FKBP5: variants seen among roughly 807,000 people sequenced by gnomAD.
FKBP5 encodes peptidyl-prolyl cis-trans isomerase FKBP5.
A neutral mutation model predicts 50.5 loss-of-function variants in FKBP5; 23 were observed. The observed-to-expected ratio is 0.46, with a 90% CI of 0.33 to 0.65. The LOEUF (loss-of-function observed/expected upper bound fraction) is 0.65. Ranked by LOEUF, FKBP5 falls within the 30% of genes least tolerant of loss-of-function variation. FKBP5 has a pLI of 0.02. For synonymous variants in FKBP5, 176 were observed against 190.6 expected, an observed-to-expected ratio of 0.92 and a Z score of 0.63; for missense variants, 411 against 553.1, an observed-to-expected ratio of 0.74 and a Z score of 2.58.
intron 1 of FKBP5, among the ~76,000 whole-genome samples, chr6:35,685,181 T>C (rs938519275): frequency 2.6e-5 from 4 of 152,218 alleles, no homozygotes; most frequent in Non-Finnish European, 4.4e-5. Context: ...ATTGTTAAAA[T>C]ATCCTTATTA....
At chr6:35,689,550 C>T (rs1325610023), upstream of FKBP5, among the ~76,000 whole-genome samples, 2 of 152,050 alleles carry the variant, frequency 1.3e-5, no homozygotes, top group African/African-American at 4.8e-5. Context: ...AGAGGCCTTA[C>T]GGCTGAGTTC....
chr6:35,589,092 T>TTATATATATATATATTTTTATA (rs1455707177), intron 7 of FKBP5, among the ~76,000 whole-genome samples: 2 of 135,986 alleles, frequency 1.5e-5, no homozygotes, highest in African/African-American at 5.8e-5. Flanking sequence ...ATATATATTT[T>TTATATATATATATATTTTTATA]TATATATATA....
At chr6:35,685,104 T>C (rs1000353055) in intron 1 of FKBP5, among the ~76,000 whole-genome samples, 4 of 151,924 alleles carry the variant, frequency 2.6e-5, no homozygotes, top group Non-Finnish European at 5.9e-5. Flanking sequence ...AAGCATAAAA[T>C]GTAGGTTCTC....
At chr6:35,662,650 A>AGT (rs1022939213) in intron 1 of FKBP5, among the ~76,000 whole-genome samples, 4 of 152,254 alleles carry the variant, frequency 2.6e-5, no homozygotes, top group African/African-American at 9.6e-5. Context: ...GCCACTAGTA[A>AGT]GTATATATAA....
chr6:35,670,996 T>C (rs1561887155), intron 1 of FKBP5, among the ~76,000 whole-genome samples: 1 of 152,032 alleles, frequency 6.6e-6, no homozygotes, highest in Non-Finnish European at 1.5e-5. Context: ...CAGTGGCTCA[T>C]GCCTGTAATC....
chr6:35,600,215 G>C (rs1370874116), intron 5 of FKBP5, among the ~76,000 whole-genome samples: 1 of 152,118 alleles, frequency 6.6e-6, no homozygotes, highest in Non-Finnish European at 1.5e-5. Flanking sequence ...GACTGTACAT[G>C]CATACTAGAG....
At chr6:35,699,234 G>C (rs912958774) in intron 2 of FKBP5, among the ~76,000 whole-genome samples, 3 of 152,140 alleles carry the variant, frequency 2.0e-5, no homozygotes, top group Admixed American at 6.5e-5. Flanking sequence ...TTCTCACAGC[G>C]TGTTGGTCTC....
intron 1 of FKBP5, among the ~76,000 whole-genome samples, chr6:35,681,203 CTT>C (rs1278726445): frequency 6.6e-6 from 1 of 152,076 alleles, no homozygotes; most frequent in Non-Finnish European, 1.5e-5. Flanking sequence ...ACTATAAAAT[CTT>C]AAGTTTGAAT....
rs960356976 is a variant in FKBP5 at position 35,639,787 on chromosome 6, A to C, written c.106-2629T>G. 1.7e-3 allele frequency among the ~76,000 whole-genome samples: 256 copies of C among 152,254 alleles called. 4 individuals carry two copies. The highest frequency in any genetic ancestry group is 3.2e-3 in the Admixed American group (49 of 15,284). On this transcript the variant is annotated intron_variant, in intron 2 of 10. Transcript: ENST00000357266. ...AGGCACAGAAGGCTTTCACATAAGC[A>C]AAGTTATACAAAACAAAAATTCTTA... is the stretch of plus-strand genomic sequence containing the variant.
intron 2 of FKBP5, among the ~76,000 whole-genome samples, chr6:35,701,267 G>A (rs1766181715): frequency 1.4e-5 from 2 of 144,728 alleles, no homozygotes; most frequent in African/African-American, 2.6e-5. Flanking sequence ...TTTTTGAGAC[G>A]GAGTCTCGCT....
chr6:35,728,168 T>A (rs1249368221), intron 1 of FKBP5, among the ~76,000 whole-genome samples: 1 of 152,218 alleles, frequency 6.6e-6, no homozygotes, highest in Non-Finnish European at 1.5e-5. Flanking sequence ...GAGAACAGCC[T>A]GACTCAGCAG....
rs199713807 is a variant in FKBP5 at position 35,587,031 on chromosome 6, C to A, written c.840+3G>T. On this transcript the variant is annotated splice_donor_region_variant and intron_variant, in intron 8 of 10. Coordinates refer to ENST00000357266, the MANE Select transcript of FKBP5 (RefSeq NM_004117.4). The stretch of plus-strand genomic sequence containing the variant: ...GGAAAGGATTGCATAGGGACTCACA[C>A]ACCTTGAAGTATACGGTTCCCTTCT... The A allele has an allele frequency of 1.2e-6, 2 of 1,613,936 alleles. No homozygotes were observed. The highest frequency in any genetic ancestry group is 1.7e-6 in the Non-Finnish European group (2 of 1,179,812).
intron 3 of FKBP5, among the ~76,000 whole-genome samples, chr6:35,631,412 G>A (rs2150983892): frequency 6.6e-6 from 1 of 152,276 alleles, no homozygotes; most frequent in South Asian, 2.1e-4. Flanking sequence ...ACTGCCTGGG[G>A]CTCAGGGTCC....
chr6:35,581,276 TATATATA>T, intron 8 of FKBP5: 1 of 418,580 alleles, frequency 2.4e-6, no homozygotes, highest in Non-Finnish European at 3.2e-6. Context: ...ACATATATAA[TATATATA>T]TAATATATAT....
chr6:35,577,098 T>C lies in FKBP5; in HGVS notation c.1162A>G (p.Arg388Gly). 6 of 1,614,216 alleles carry C rather than the reference T, an allele frequency of 3.7e-6. No homozygotes were observed. The highest frequency in any genetic ancestry group is 5.1e-6 in the Non-Finnish European group (6 of 1,180,024). Residue 388 changes from arginine to glycine, a missense_variant, in exon 10 of 11, where the codon AGA (arginine) becomes GGA (glycine). Coordinates refer to ENST00000357266, the MANE Select transcript of FKBP5 (RefSeq NM_004117.4). ...LEVNPQNKAA[R>G]LQISMCQKKA... ...TTCTGGCACATGGAGATCTGCAGTC[T>C]TGCAGCCTTATTCTGGGGGTTTACT...
intron 7 of FKBP5, among the ~76,000 whole-genome samples, chr6:35,587,904 A>G (rs990991232): frequency 9.9e-5 from 15 of 152,148 alleles, no homozygotes; most frequent in African/African-American, 3.6e-4. Context: ...GGTCAGTGCT[A>G]TTTACTGCAT....
At chr6:35,713,617 C>A (rs1034151130) in intron 2 of FKBP5, among the ~76,000 whole-genome samples, 2 of 152,186 alleles carry the variant, frequency 1.3e-5, no homozygotes, top group African/African-American at 4.8e-5. Flanking sequence ...TGCTAGCTGG[C>A]GGGTGGGGGC....
chr6:35,625,629 G>A (rs1314981379), intron 3 of FKBP5, among the ~76,000 whole-genome samples: 13 of 149,476 alleles, frequency 8.7e-5, no homozygotes, highest in South Asian at 2.1e-4. Flanking sequence ...CCAGCTACTC[G>A]GGAGGCTGAG....
chr6:35,611,553 T>C lies in FKBP5; in HGVS notation c.508+7543A>G, dbSNP rs116659810. Among the ~76,000 whole-genome samples the C allele has an allele frequency of 7.4e-3, 1,122 of 152,272 alleles. 12 individuals carry two copies. The highest frequency in any genetic ancestry group is 0.023 in the African/African-American group (970 of 41,544). On this transcript the variant is annotated intron_variant, in intron 5 of 10. Transcript: ENST00000357266. ...TATTTAGAACCTTATGTAAGTCAGA[T>C]TTGATTTTCTAAGAAAGCAAAGCTG...
Sources: allele counts gnomAD v4.1 joint callset (sites outside exome capture counted in the v4.1 genomes callset), GRCh38; gene constraint gnomAD v4.1.1; transcripts MANE v1.5; gene names NCBI Gene and HGNC (gene_info 2026-07-23, HGNC 2026-07-21).